ZNRF2: variants seen among roughly 807,000 people sequenced by gnomAD.
ZNRF2 encodes the protein zinc and ring finger 2.
ZNRF2 carries 16 observed loss-of-function variants against 20.4 expected under a neutral mutation model. That is an observed-to-expected ratio of 0.79 (90% CI 0.53 to 1.19). The LOEUF is 1.19. Among genes scored for constraint, ZNRF2 ranks in the 50% most tolerant of loss-of-function variants. The pLI is 0.00. For missense variants in ZNRF2, 363 were observed against 332.4 expected, an observed-to-expected ratio of 1.09 and a Z score of -0.72; for synonymous variants, 178 against 144.9, an observed-to-expected ratio of 1.23 and a Z score of -1.64.
chr7:30,310,857 G>C (rs1211715134), intron 1 of ZNRF2, among the ~76,000 whole-genome samples: 1 of 151,450 alleles, frequency 6.6e-6, no homozygotes, highest in East Asian at 1.9e-4. Flanking sequence ...CTGAGCCCCT[G>C]TCCTGTCCTG....
intron 1 of ZNRF2, among the ~76,000 whole-genome samples, chr7:30,300,143 C>G (rs897586610): frequency 6.8e-6 from 1 of 146,462 alleles, no homozygotes; most frequent in South Asian, 2.2e-4. Context: ...AACATGAATA[C>G]AAGTCTTTTT....
intron 3 of ZNRF2, among the ~76,000 whole-genome samples, chr7:30,357,743 A>T (rs549506654): frequency 6.6e-6 from 1 of 152,270 alleles, no homozygotes; most frequent in Admixed American, 6.5e-5. Context: ...TATAGAGACA[A>T]TGTAACAATG....
At chr7:30,296,995 GTTA>G (rs2128056661) in intron 1 of ZNRF2, among the ~76,000 whole-genome samples, 1 of 152,300 alleles carries the variant, frequency 6.6e-6, no homozygotes, top group South Asian at 2.1e-4. Context: ...TTAAGTGTGA[GTTA>G]TTCTGTATTT....
At position 30,344,377 on chromosome 7, in the gene ZNRF2, G is replaced by A. The variant is rs181513595; in HGVS notation, c.566-11351G>A. Among the ~76,000 whole-genome samples, 33 of 151,524 alleles carry A rather than the reference G, an allele frequency of 2.2e-4. 1 individual carries two copies. In the East Asian group the frequency reaches 6.2e-3, roughly 28 times the overall value. On this transcript the variant is annotated intron_variant, in intron 2 of 4. Coordinates refer to ENST00000323037, the MANE Select transcript of ZNRF2 (RefSeq NM_147128.4). ...TTTTATAGAATACCTCTTATTTTTA[G>A]ATACTGTTTTTTTCTATGAGCAATA...
intron 2 of ZNRF2, among the ~76,000 whole-genome samples, chr7:30,344,688 T>C (rs1173034543): frequency 1.3e-5 from 2 of 152,218 alleles, no homozygotes; most frequent in Non-Finnish European, 2.9e-5. Flanking sequence ...CCACTGCTAA[T>C]CCTTTTGCTT....
Position 30,308,861 on chromosome 7 carries a change from C to T in ZNRF2, c.470-14781C>T, listed in dbSNP as rs1199904075. On this transcript the variant is annotated intron_variant, in intron 1 of 4. Transcript: ENST00000323037. Reference sequence around the variant, plus strand: ...TGAAAAAATTGACTTAGATTTACTACAGACTTTCTAAAAATATTATTAGAA... The same window carrying T: ...TGAAAAAATTGACTTAGATTTACTATAGACTTTCTAAAAATATTATTAGAA... 5.9e-5 allele frequency among the ~76,000 whole-genome samples: 9 copies of T among 152,188 alleles called. No homozygotes were observed. The South Asian group carries it at 1.7e-3, about 28-fold the overall frequency.
chr7:30,288,488 C>G (rs1798838011), intron 1 of ZNRF2, among the ~76,000 whole-genome samples: 1 of 152,144 alleles, frequency 6.6e-6, no homozygotes. Flanking sequence ...AAGAGTCTAG[C>G]AAGTGGAATT....
chr7:30,326,641 G>C (rs1799556933), intron 2 of ZNRF2, among the ~76,000 whole-genome samples: 1 of 152,130 alleles, frequency 6.6e-6, no homozygotes, highest in African/African-American at 2.4e-5. Context: ...TATTCCTTTA[G>C]GTGTATACCC....
At chr7:30,294,012 TC>T (rs1798963679) in intron 1 of ZNRF2, among the ~76,000 whole-genome samples, 1 of 151,934 alleles carries the variant, frequency 6.6e-6, no homozygotes, top group Non-Finnish European at 1.5e-5. Flanking sequence ...ATTTTTATTG[TC>T]TTTTTTTTCT....
intron 3 of ZNRF2, among the ~76,000 whole-genome samples, chr7:30,359,240 G>T (rs1047257979): frequency 2.0e-5 from 3 of 151,998 alleles, no homozygotes; most frequent in Admixed American, 6.6e-5. Flanking sequence ...TTTTGTCTGG[G>T]ATACACTTCT....
In ZNRF2 at chr7:30,323,805, C is replaced by T. The variant is rs1487491976; in HGVS notation, c.565+68C>T. 2.8e-6 allele frequency: 3 copies of T among 1,081,240 alleles called. No homozygotes were observed. The African/African-American group carries it at 5.0e-5, about 18-fold the overall frequency. The allele number at this position is 1,081,240 out of a possible 1,614,324, so 67.0% of individuals were successfully genotyped here. A position where few individuals can be genotyped will look rare whatever the true frequency, so the allele number is the denominator to read the frequency against. On this transcript the variant is annotated intron_variant, in intron 2 of 4. Transcript: ENST00000323037. ...CTTACATTTTATGAATTTCATGTTTCAAGTATAATTTAAAAGGAGGGAAGG... is the reference window on the plus strand; with the variant it reads ...CTTACATTTTATGAATTTCATGTTTTAAGTATAATTTAAAAGGAGGGAAGG...
At chr7:30,312,152 C>CT (rs1799301057) in intron 1 of ZNRF2, among the ~76,000 whole-genome samples, 5 of 152,024 alleles carry the variant, frequency 3.3e-5, no homozygotes, top group Non-Finnish European at 7.4e-5. Context: ...AATTTAAAAA[C>CT]TTTTTTTCCG....
At chr7:30,327,250 GT>G (rs1463275253) in intron 2 of ZNRF2, among the ~76,000 whole-genome samples, 3 of 152,092 alleles carry the variant, frequency 2.0e-5, no homozygotes, top group African/African-American at 7.2e-5. Context: ...GTCTTCCAGG[GT>G]TTTTATAGTT....
chr7:30,303,434 C>T (rs1799151203), intron 1 of ZNRF2, among the ~76,000 whole-genome samples: 1 of 152,146 alleles, frequency 6.6e-6, no homozygotes, highest in South Asian at 2.1e-4. Context: ...GAGGGCTGGG[C>T]TCCACTCCAA....
At chr7:30,307,859 A>G (rs937897058) in intron 1 of ZNRF2, among the ~76,000 whole-genome samples, 4 of 152,202 alleles carry the variant, frequency 2.6e-5, no homozygotes, top group African/African-American at 9.6e-5. Flanking sequence ...GACTTTGGAA[A>G]GCCACTTTCA....
chr7:30,305,035 T>A (rs897113719), intron 1 of ZNRF2, among the ~76,000 whole-genome samples: 2 of 152,212 alleles, frequency 1.3e-5, no homozygotes, highest in Non-Finnish European at 2.9e-5. Flanking sequence ...TTTACTGTTA[T>A]CTGTGTTCTT....
chr7:30,355,081 A>G (rs1347009630), intron 2 of ZNRF2, among the ~76,000 whole-genome samples: 1 of 152,134 alleles, frequency 6.6e-6, no homozygotes, highest in East Asian at 1.9e-4. Flanking sequence ...TACCCTGCAG[A>G]TCCTTTTGGA....
chr7:30,320,038 G>T (rs879919408), intron 1 of ZNRF2, among the ~76,000 whole-genome samples: 1 of 151,968 alleles, frequency 6.6e-6, no homozygotes, highest in African/African-American at 2.4e-5. Flanking sequence ...CTGTGTGTCC[G>T]TGAGTTTATA....
At chr7:30,329,395 T>C (rs1186675161) in intron 2 of ZNRF2, among the ~76,000 whole-genome samples, 1 of 152,222 alleles carries the variant, frequency 6.6e-6, no homozygotes, top group Non-Finnish European at 1.5e-5. Flanking sequence ...TCCTTTTATC[T>C]GAAGGTATTT....
Sources: allele counts gnomAD v4.1 joint callset (sites outside exome capture counted in the v4.1 genomes callset), GRCh38; gene constraint gnomAD v4.1.1; transcripts MANE v1.5; gene names NCBI Gene and HGNC (gene_info 2026-07-23, HGNC 2026-07-21).